SNAP47: variants seen among roughly 807,000 people sequenced by gnomAD.
SNAP47 encodes the protein synaptosome associated protein 47, also known as synaptosomal-associated protein 47.
In SNAP47, 20 loss-of-function variants were observed where a neutral mutation model predicts 31.4. The observed-to-expected ratio is 0.64, with a 90% CI of 0.45 to 0.93. The LOEUF (loss-of-function observed/expected upper bound fraction) is 0.93, where lower values mean the gene tolerates loss of function less well. SNAP47 is among the 40% of genes least tolerant of loss of function. SNAP47 has a pLI of 0.00. For synonymous variants in SNAP47, 194 were observed against 213.4 expected (o/e 0.91, Z 0.79); for missense variants, 492 against 528.5 (o/e 0.93, Z 0.68).
At chr1:227,736,930 G>C (rs926182845) in intron 1 of SNAP47, among the ~76,000 whole-genome samples, 2 of 152,180 alleles carry the variant, frequency 1.3e-5, no homozygotes, top group African/African-American at 4.8e-5. Flanking sequence ...TCTCTTGGAA[G>C]GGGTGTGGGT....
chr1:227,745,608 GC>G (rs914075802), intron 1 of SNAP47, among the ~76,000 whole-genome samples: 3 of 152,232 alleles, frequency 2.0e-5, no homozygotes, highest in Admixed American at 1.3e-4. Context: ...CCTGTAGGAG[GC>G]CCCAGCCTTG....
upstream of SNAP47, chr1:227,731,706 C>T (rs1660659352): frequency 6.5e-6 from 1 of 154,388 alleles, no homozygotes; most frequent in Non-Finnish European, 1.4e-5. Flanking sequence ...CTTGGGAAGA[C>T]CCAGCTGTGA....
intron 4 of SNAP47, among the ~76,000 whole-genome samples, chr1:227,769,625 G>A (rs959205080): frequency 6.6e-6 from 1 of 152,126 alleles, no homozygotes; most frequent in African/African-American, 2.4e-5. Context: ...GGAGAGGGTG[G>A]CTGTGATCAC....
chr1:227,749,781 ATG>A (rs1218831777), intron 2 of SNAP47, among the ~76,000 whole-genome samples: 3 of 123,216 alleles, frequency 2.4e-5, no homozygotes, highest in African/African-American at 9.0e-5. Context: ...CTGTATGTGT[ATG>A]TGTGTCTGTG....
intron 4 of SNAP47, chr1:227,775,990 G>C: frequency 8.0e-7 from 1 of 1,251,882 alleles, no homozygotes; most frequent in Non-Finnish European, 1.0e-6. Context: ...TGTGTTGGAG[G>C]AAAGTGGCTT....
At chr1:227,780,384 G>T in intron 4 of SNAP47, 143 bp from the exon 5 acceptor site, 1 of 1,206,260 alleles carries the variant, frequency 8.3e-7, no homozygotes, top group Non-Finnish European at 1.1e-6. Flanking sequence ...GTGCTGGGCT[G>T]CCGGCTCCCT....
chr1:227,756,097 G>A (rs151201864), intron 2 of SNAP47, among the ~76,000 whole-genome samples: 1,554 of 152,278 alleles, frequency 0.01, 18 homozygotes, highest in African/African-American at 0.032. Context: ...GCACATGTTC[G>A]CAGGACCTCC....
chr1:227,762,410 T>C lies in SNAP47; in HGVS notation c.988+2925T>C, dbSNP rs7539282. Among the ~76,000 whole-genome samples, 100,491 of 152,176 alleles carry C rather than the reference T, an allele frequency of 0.66. 34,257 individuals are homozygous for C. Among genetic ancestry groups the C allele is most frequent in the African/African-American group, 0.83 (34,524 of 41,526 alleles). ...GGAGCTCAGTAGTCTGTGGGGCACT[T>C]GTGGCTCTGAGGCCTTGCCTCTGCC... On this transcript the variant is annotated intron_variant, in intron 3 of 4. Transcript: ENST00000617596. This position sits in a 1 kb window ranked among gnomAD's most constrained non-coding sequence, Gnocchi z 4.2.
chr1:227,735,054 G>A (rs1171589258), upstream of SNAP47: 1 of 1,555,758 alleles, frequency 6.4e-7, no homozygotes, highest in African/African-American at 1.4e-5. Flanking sequence ...CTCCCCGCGG[G>A]CGTCACCCAG....
chr1:227,763,288 G>T lies in SNAP47; in HGVS notation c.989-3671G>T, dbSNP rs976539497. On this transcript the variant is annotated intron_variant, in intron 3 of 4. Coordinates refer to ENST00000617596, the MANE Select transcript of SNAP47 (RefSeq NM_053052.4). This position sits in a 1 kb window ranked among gnomAD's most constrained non-coding sequence, Gnocchi z 4.2. ...TATTTGAAGGCTGTTTGATCACTGA[G>T]ATTTTTCTTTGTCACTCACTGCCTG... Among the ~76,000 whole-genome samples the T allele has an allele frequency of 5.9e-5, 9 of 152,176 alleles. No homozygotes were observed. The highest frequency in any genetic ancestry group is 8.8e-5 in the Non-Finnish European group (6 of 68,044).
chr1:227,766,880 C>T lies in SNAP47; in HGVS notation c.989-79C>T. 4 of 1,574,362 alleles carry T rather than the reference C, an allele frequency of 2.5e-6. No homozygotes were observed. In the South Asian group the frequency reaches 4.5e-5, roughly 18 times the overall value. The stretch of plus-strand genomic sequence containing the variant: ...GCGGGAGGAACACCGCCTCAAAGAC[C>T]ACGCTCTGCCATCCAGAGCACACGA... On this transcript the variant is annotated intron_variant, in intron 3 of 4. Coordinates refer to ENST00000617596, the MANE Select transcript of SNAP47 (RefSeq NM_053052.4).
At chr1:227,744,820 G>A (rs1661853071) in intron 1 of SNAP47, among the ~76,000 whole-genome samples, 1 of 152,204 alleles carries the variant, frequency 6.6e-6, no homozygotes, top group Admixed American at 6.5e-5. Flanking sequence ...CCTGCCTCGG[G>A]GAGTGGCTGT....
chr1:227,772,443 A>G (rs1168584377), intron 4 of SNAP47, among the ~76,000 whole-genome samples: 1 of 147,924 alleles, frequency 6.8e-6, no homozygotes, highest in Non-Finnish European at 1.5e-5. Context: ...TGCCTGCCTT[A>G]TTTCACTTGG....
At chr1:227,765,646 T>G (rs1663344761) in intron 3 of SNAP47, among the ~76,000 whole-genome samples, 2 of 152,214 alleles carry the variant, frequency 1.3e-5, no homozygotes, top group African/African-American at 4.8e-5. Flanking sequence ...AAGAGTGGGA[T>G]AGGAAAACAG....
At chr1:227,778,723 C>T (rs1012562096) in intron 4 of SNAP47, among the ~76,000 whole-genome samples, 4 of 152,162 alleles carry the variant, frequency 2.6e-5, no homozygotes, top group Admixed American at 6.5e-5. Context: ...GTGTGGGCCA[C>T]GTGAGATCAT....
At chr1:227,771,554 G>A (rs2102988460) in intron 4 of SNAP47, among the ~76,000 whole-genome samples, 1 of 152,272 alleles carries the variant, frequency 6.6e-6, no homozygotes, top group South Asian at 2.1e-4. Flanking sequence ...AGTGGAGGCG[G>A]CATCACAGGG....
At chr1:227,750,145 C>A (rs1662253638) in intron 2 of SNAP47, among the ~76,000 whole-genome samples, 1 of 152,264 alleles carries the variant, frequency 6.6e-6, no homozygotes, top group South Asian at 2.1e-4. Flanking sequence ...TCAGTCAGAG[C>A]TTTGCTGGCA....
At chr1:227,734,933 CCT>C (rs1050352671), upstream of SNAP47, 3 of 1,513,362 alleles carry the variant, frequency 2.0e-6, no homozygotes, top group African/African-American at 4.1e-5. Flanking sequence ...CCCTGGTGCC[CCT>C]CTCTAGGCGG....
chr1:227,737,151 C>T (rs1661268987), intron 1 of SNAP47, among the ~76,000 whole-genome samples: 1 of 152,100 alleles, frequency 6.6e-6, no homozygotes, highest in South Asian at 2.1e-4. Context: ...CATGGGGGAC[C>T]CTATGTGATG....
Sources: allele counts gnomAD v4.1 joint callset (sites outside exome capture counted in the v4.1 genomes callset), GRCh38; gene constraint gnomAD v4.1.1; non-coding constraint Gnocchi (gnomAD v3.1); transcripts MANE v1.5; gene names NCBI Gene and HGNC (gene_info 2026-07-23, HGNC 2026-07-21).